Variants in NAALADL2 observed in about 807,000 individuals in gnomAD.
The protein encoded by NAALADL2 is inactive N-acetylated-alpha-linked acidic dipeptidase-like protein 2.
NAALADL2 carries 76 observed loss-of-function variants against 87.2 expected under a neutral mutation model. The ratio of observed to expected loss-of-function variants is 0.87; its 90% CI spans 0.72 to 1.05. The LOEUF is 1.05. NAALADL2 is among the 50% of genes least tolerant of loss of function. NAALADL2 has a pLI of 0.00. For missense variants in NAALADL2, 1,089 were observed against 945.8 expected, an observed-to-expected ratio of 1.15 and a Z score of -1.99; for synonymous variants, 354 against 331.0, an observed-to-expected ratio of 1.07 and a Z score of -0.75.
chr3:175,188,212 TGATAC>T (rs944131390), intron 2 of NAALADL2, among the ~76,000 whole-genome samples: 1 of 152,204 alleles, frequency 6.6e-6, no homozygotes, highest in African/African-American at 2.4e-5. Context: ...GATAAAGTGA[TGATAC>T]TTGACCTATT....
chr3:175,355,844 G>A (rs1460078257), intron 5 of NAALADL2, among the ~76,000 whole-genome samples: 2 of 152,186 alleles, frequency 1.3e-5, no homozygotes, highest in Admixed American at 6.6e-5. Flanking sequence ...TTTGGTGGGT[G>A]TAGTAGTTAC....
intron 1 of NAALADL2, among the ~76,000 whole-genome samples, chr3:174,898,703 C>T (rs899267305): frequency 2.6e-5 from 4 of 151,904 alleles, no homozygotes; most frequent in African/African-American, 7.2e-5. Context: ...AAAAGACAGT[C>T]ACTAAAGTAT....
At position 175,720,085 on chromosome 3, in the gene NAALADL2, C is replaced by A. The variant is rs145578305; in HGVS notation, c.1897-17221C>A. Among the ~76,000 whole-genome samples, 6 of 152,220 alleles carry A rather than the reference C, an allele frequency of 3.9e-5. No homozygotes were observed. The East Asian group carries it at 7.7e-4, about 20-fold the overall frequency. ...CGCTCAGGCCATAGCACCCTCTCAG[C>A]CATTTTTATTTCTTCGAAACAGACA... On this transcript the variant is annotated intron_variant, in intron 11 of 13. Transcript: ENST00000454872.
chr3:175,365,897 T>A (rs1191492293), intron 5 of NAALADL2, among the ~76,000 whole-genome samples: 2 of 146,380 alleles, frequency 1.4e-5, no homozygotes, highest in Non-Finnish European at 3.0e-5. Flanking sequence ...TACTTTAAGT[T>A]TTAGGGTACA....
chr3:175,639,999 G>C (rs754565779), intron 11 of NAALADL2, among the ~76,000 whole-genome samples: 9 of 152,172 alleles, frequency 5.9e-5, no homozygotes, highest in Non-Finnish European at 1.3e-4. Context: ...GCGTGAACTA[G>C]AGATTGAAGA....
intron 1 of NAALADL2, among the ~76,000 whole-genome samples, chr3:174,894,594 C>CAAAAAA (rs869161862): frequency 9.9e-4 from 48 of 48,458 alleles, no homozygotes; most frequent in Non-Finnish European, 1.3e-3. Context: ...AACTCCGTCT[C>CAAAAAA]AAAAAAAAAA....
At chr3:174,545,518 C>A (rs1039157682) in intron 1 of NAALADL2, among the ~76,000 whole-genome samples, 11 of 152,136 alleles carry the variant, frequency 7.2e-5, no homozygotes, top group Admixed American at 4.6e-4. Flanking sequence ...AACTTCAAAG[C>A]CTTTGTTATC....
At chr3:174,846,619 CAT>C (rs1724650881) in intron 3 of NAALADL2, among the ~76,000 whole-genome samples, 1 of 152,010 alleles carries the variant, frequency 6.6e-6, no homozygotes, top group South Asian at 2.1e-4. Flanking sequence ...AAAAAACAAA[CAT>C]ATAGAAAAAT....
chr3:174,870,173 T>G (rs1176532491), intron 1 of NAALADL2, among the ~76,000 whole-genome samples: 1 of 152,052 alleles, frequency 6.6e-6, no homozygotes, highest in Non-Finnish European at 1.5e-5. Flanking sequence ...TCTGGAATAT[T>G]TATTCTCCAT....
intron 10 of NAALADL2, among the ~76,000 whole-genome samples, chr3:175,626,812 C>A (rs1041417942): frequency 6.6e-6 from 1 of 151,834 alleles, no homozygotes; most frequent in Non-Finnish European, 1.5e-5. Context: ...GAGATCTGTT[C>A]TACACTCAGT....
chr3:174,921,354 T>C (rs1020724959), intron 1 of NAALADL2, among the ~76,000 whole-genome samples: 25 of 152,232 alleles, frequency 1.6e-4, no homozygotes, highest in Non-Finnish European at 4.4e-5. Flanking sequence ...ACAATTTTTT[T>C]GTTATTTTTT....
chr3:175,359,987 AT>A (rs898595822), intron 5 of NAALADL2, among the ~76,000 whole-genome samples: 22 of 152,052 alleles, frequency 1.4e-4, no homozygotes, highest in Admixed American at 1.2e-3. Flanking sequence ...TTCAATTACC[AT>A]TTTATAATGC....
At chr3:175,639,923 G>A (rs1268322827) in intron 11 of NAALADL2, among the ~76,000 whole-genome samples, 2 of 152,114 alleles carry the variant, frequency 1.3e-5, no homozygotes, top group African/African-American at 4.8e-5. Context: ...AGGAAGGTAG[G>A]AAGACAGTTG....
At chr3:174,772,050 G>T (rs1578864193) in intron 3 of NAALADL2, among the ~76,000 whole-genome samples, 1 of 152,068 alleles carries the variant, frequency 6.6e-6, no homozygotes, top group African/African-American at 2.4e-5. Flanking sequence ...TTTTCTCAGG[G>T]ACATTTTAGT....
intron 1 of NAALADL2, among the ~76,000 whole-genome samples, chr3:175,047,703 T>C (rs916976039): frequency 6.6e-6 from 1 of 152,184 alleles, no homozygotes; most frequent in African/African-American, 2.4e-5. Flanking sequence ...CCTTTAGTAT[T>C]TTGATAAACT....
chr3:175,542,707 T>C (rs1391495501), intron 9 of NAALADL2, among the ~76,000 whole-genome samples: 2 of 152,192 alleles, frequency 1.3e-5, no homozygotes, highest in African/African-American at 4.8e-5. Context: ...TCCATGGACA[T>C]GTGGAGCCAA....
intron 1 of NAALADL2, among the ~76,000 whole-genome samples, chr3:175,058,269 G>A (rs1017228932): frequency 6.6e-6 from 1 of 152,150 alleles, no homozygotes; most frequent in Non-Finnish European, 1.5e-5. Flanking sequence ...ACCCATAGCT[G>A]TCAATCAATT....
intron 13 of NAALADL2, among the ~76,000 whole-genome samples, chr3:175,768,075 C>T (rs929984068): frequency 4.6e-5 from 7 of 152,060 alleles, no homozygotes; most frequent in Admixed American, 2.0e-4. Flanking sequence ...CATAATTGGT[C>T]ATGGTGGGGT....
chr3:175,092,672 A>C (rs1013856680), intron 1 of NAALADL2, among the ~76,000 whole-genome samples: 2 of 152,050 alleles, frequency 1.3e-5, no homozygotes, highest in African/African-American at 4.8e-5. Context: ...ATATAGATGG[A>C]TATTCATTAT....
Sources: gnomAD v4.1 joint callset for allele counts (sites outside exome capture counted in the v4.1 genomes callset) on GRCh38, gnomAD v4.1.1 for gene constraint, MANE v1.5 for transcripts, NCBI Gene and HGNC (gene_info 2026-07-23, HGNC 2026-07-21) for gene names.